The following GPR162 variants were observed in gnomAD, a reference collection of about 807,000 sequenced individuals.
GPR162 encodes the protein G protein-coupled receptor 162.
In GPR162, 26 loss-of-function variants were observed where a neutral mutation model predicts 44.9. The observed-to-expected ratio is 0.58, with a 90% CI of 0.42 to 0.80. GPR162 has a LOEUF of 0.80. Among genes scored for constraint, GPR162 ranks in the 30% least tolerant of loss-of-function variants. The pLI is 0.00. For synonymous variants in GPR162, 363 were observed against 335.2 expected (o/e 1.08, Z -0.91); for missense variants, 704 against 802.3 (o/e 0.88, Z 1.48).
chr12:6,825,711 C>CT (rs1943345464), intron 3 of GPR162, 38 bp downstream of exon 3: 2 of 1,505,504 alleles, frequency 1.3e-6, no homozygotes, highest in Non-Finnish European at 1.8e-6. Context: ...TCCTGGACAT[C>CT]TGTCTATTCC....
intron 4 of GPR162, 98 bp from the exon 5 acceptor site, chr12:6,826,555 G>T: frequency 8.2e-7 from 1 of 1,219,536 alleles, no homozygotes. Flanking sequence ...CGTTTTGAAG[G>T]TTAAGAAGGT....
At position 6,822,800 on chromosome 12, in the gene GPR162, C is replaced by T. The variant is rs1943301803; in HGVS notation, c.-431-668C>T. 6.8e-6 allele frequency among the ~76,000 whole-genome samples: 1 copy of T among 146,190 alleles called. No homozygotes were observed. The highest frequency in any genetic ancestry group is 1.5e-5 in the Non-Finnish European group (1 of 66,162). ...GAGCTTTTCCTGCTATTTTCAGATACTACCACTTTGCCCCCTCTTTCTCTT... is the reference window on the plus strand; with the variant it reads ...GAGCTTTTCCTGCTATTTTCAGATATTACCACTTTGCCCCCTCTTTCTCTT... On this transcript the variant is annotated intron_variant, in intron 1 of 4. Coordinates refer to ENST00000311268, the MANE Select transcript of GPR162 (RefSeq NM_019858.2). The surrounding 1 kb of genome is among the most constrained non-coding windows in gnomAD (Gnocchi z 4.2).
At chr12:6,826,115 C>G in intron 3 of GPR162, 81 bp from the exon 4 acceptor site, 2 of 1,088,476 alleles carry the variant, frequency 1.8e-6, no homozygotes, top group South Asian at 1.4e-5. Context: ...AAAGGGGTCT[C>G]TGGGAGCTTA....
chr12:6,823,823 T>C lies in GPR162; in HGVS notation c.-76T>C. 1 of 1,602,898 alleles carries C rather than the reference T, an allele frequency of 6.2e-7. No homozygotes were observed. The highest frequency in any genetic ancestry group is 8.5e-7 in the Non-Finnish European group (1 of 1,173,612). ...GAGGATTGTGGGGATCATGGGAGTGTTTGTGAGTGGGGCTCCTGGGTGAGA... is the reference window on the plus strand; with the variant it reads ...GAGGATTGTGGGGATCATGGGAGTGCTTGTGAGTGGGGCTCCTGGGTGAGA... On this transcript the variant is annotated 5_prime_UTR_variant, in exon 2 of 5. Coordinates refer to ENST00000311268, the MANE Select transcript of GPR162 (RefSeq NM_019858.2).
chr12:6,821,906 AC>A lies in GPR162; in HGVS notation c.-432+7del, dbSNP rs1334779610. ...CTGGGCGCAGCCGGAGAGAGGTAAG[AC>A]GACCCCTGCCTGCCCCGTCCCCTGT... On this transcript the variant is annotated splice_region_variant and intron_variant, in intron 1 of 4. Coordinates refer to ENST00000311268, the MANE Select transcript of GPR162 (RefSeq NM_019858.2). 6.6e-6 allele frequency: 1 copy of A among 152,158 alleles called. No individual in the cohort carries two copies. The highest frequency in any genetic ancestry group is 1.5e-5 in the Non-Finnish European group (1 of 68,228). The allele number at this position is 152,158 out of a possible 1,614,324, so 9.4% of individuals were successfully genotyped here. A position where few individuals can be genotyped will look rare whatever the true frequency, so the allele number is the denominator to read the frequency against.
intron 3 of GPR162, 126 bp from the exon 4 acceptor site, chr12:6,826,070 A>T: frequency 1.4e-6 from 1 of 715,918 alleles, no homozygotes; most frequent in Non-Finnish European, 2.4e-6. Flanking sequence ...AGCCACTCTC[A>T]CTGTCCTCTT....
rs1275577868 is a variant in GPR162, at chr12:6,825,509, CGGA to C, written c.894_896del (p.Asp299del). On this transcript the variant is annotated inframe_deletion, in exon 3 of 5. Transcript: ENST00000311268. ...GTGGTGAGCTTCTTCTCCCTCAAGT[CGGA>C]CTCGGCGCCCCCCTGGATGGTGCTG... 2 of 1,610,620 alleles carry C rather than the reference CGGA, an allele frequency of 1.2e-6. No individual in the cohort carries two copies. Among genetic ancestry groups the C allele is most frequent in the Non-Finnish European group, 1.7e-6 (2 of 1,178,940 alleles).
rs1555119337 is a variant in GPR162 at position 6,822,493 on chromosome 12, T to C, written c.-432+593T>C. On this transcript the variant is annotated intron_variant, in intron 1 of 4. Transcript: ENST00000311268. The surrounding 1 kb of genome is among the most constrained non-coding windows in gnomAD (Gnocchi z 4.2). ...CACTTACCCTAAAGCCATTATGTGC[T>C]TCCTTACAGCCCCACTCTGTTCAGG... Among the ~76,000 whole-genome samples the C allele has an allele frequency of 6.6e-6, 1 of 152,124 alleles. No homozygotes were observed. Among genetic ancestry groups the C allele is most frequent in the African/African-American group, 2.4e-5 (1 of 41,404 alleles).
chr12:6,824,869 C>T, intron 2 of GPR162, 104 bp downstream of exon 2: 3 of 880,764 alleles, frequency 3.4e-6, no homozygotes, highest in Non-Finnish European at 5.6e-6. Flanking sequence ...GTCATCTCTC[C>T]TCCAGTTCCA....
chr12:6,826,915 G>T lies in GPR162; in HGVS notation c.1478G>T (p.Gly493Val). ...AGTGGGGTTCTGGGGTCAGGTGGGG[G>T]ACCCCCACGGGGTCCTGGCTTCTTC... ...LESGVLGSGG[G>V]PPRGPGFFRE... The change falls in exon 5 of 5, where the codon GGA (glycine) becomes GTA (valine). Residue 493 changes from glycine (G) to valine (V), a missense_variant. Gly to Val is a moderately radical substitution (Grantham distance 109). Coordinates refer to ENST00000311268, the MANE Select transcript of GPR162 (RefSeq NM_019858.2). 6.2e-7 allele frequency: 1 copy of T among 1,613,416 alleles called. No homozygotes were observed. The highest frequency in any genetic ancestry group is 8.5e-7 in the Non-Finnish European group (1 of 1,179,978).
rs1849694615 is a variant in GPR162, at chr12:6,827,028, C to T, written c.1591C>T (p.Leu531=). Residue 531 remains leucine, a synonymous_variant, in exon 5 of 5, where the codon CTG becomes TTG. Transcript: ENST00000311268. ...GCACTCTCCTCGTCGGCCCCGGCCA[C>T]TGGGCCTCTCACCCCGCCGACTCTC... ...PGHSPRRPRP[L]GLSPRRLSLG... 1 of 1,613,288 alleles carries T rather than the reference C, an allele frequency of 6.2e-7. No homozygotes were observed. The highest frequency in any genetic ancestry group is 1.3e-5 in the African/African-American group (1 of 74,946).
At chr12:6,826,075 C>T (rs1943350373) in intron 3 of GPR162, 121 bp from the exon 4 acceptor site, 5 of 739,024 alleles carry the variant, frequency 6.8e-6, no homozygotes, top group Non-Finnish European at 1.1e-5. Flanking sequence ...CTCTCACTGT[C>T]CTCTTGGAAC....
Position 6,824,541 on chromosome 12 carries a change from C to A in GPR162, c.643C>A (p.Gln215Lys). Residue 215 changes from glutamine (Q) to lysine (K), a missense_variant, in exon 2 of 5, where the codon CAG (glutamine) becomes AAG (lysine). Physicochemically the swap from Gln to Lys is moderately conservative, Grantham distance 53 (BLOSUM62 1). Around this residue, in one of 6 missense-constraint regions of GPR162, gnomAD observed 56 missense variants for 47.2 expected, o/e 1.19. Coordinates refer to ENST00000311268, the MANE Select transcript of GPR162 (RefSeq NM_019858.2). Reference protein sequence around the residue: ...TLWARPRRARQARRVGGGGGT... With the variant: ...TLWARPRRARKARRVGGGGGT... ...GTGGGCCCGGCCCCGGAGGGCTCGG[C>A]AGGCCCGGAGAGTGGGGGGTGGTGG... 1 of 1,604,382 alleles carries A rather than the reference C, an allele frequency of 6.2e-7. No homozygotes were observed. Among genetic ancestry groups the A allele is most frequent in the East Asian group, 2.2e-5 (1 of 44,670 alleles).
Position 6,826,362 on chromosome 12 carries a change from C to T in GPR162, c.1215+9C>T, listed in dbSNP as rs782022571. 1.2e-6 allele frequency: 2 copies of T among 1,603,464 alleles called. No homozygotes were observed. Among genetic ancestry groups the T allele is most frequent in the South Asian group, 1.1e-5 (1 of 90,516 alleles). On this transcript the variant is annotated intron_variant, in intron 4 of 4. Coordinates refer to ENST00000311268, the MANE Select transcript of GPR162 (RefSeq NM_019858.2). ...GAGTCCACTACTTACAGGTATGGAA[C>T]TGGGGGATACATCTCCTACCCTTGG...
In GPR162 at chr12:6,823,715, C is replaced by T. The variant is rs901062011; in HGVS notation, c.-184C>T. 2 of 1,598,908 alleles carry T rather than the reference C, an allele frequency of 1.3e-6. No individual in the cohort carries two copies. The highest frequency in any genetic ancestry group is 1.7e-6 in the Non-Finnish European group (2 of 1,167,930). ...CTGACCCTCAGTCTCCTCCCCTGCC[C>T]TCTACATCTGCCCTCAGCTGGGTCC... On this transcript the variant is annotated 5_prime_UTR_variant, in exon 2 of 5. Transcript: ENST00000311268.
Position 6,823,796 on chromosome 12 carries a change from G to A in GPR162, c.-103G>A, listed in dbSNP as rs1430507238. ...TGGGGGCAGCCTGCCTGCTGACAGG[G>A]CGAGGATTGTGGGGATCATGGGAGT... On this transcript the variant is annotated 5_prime_UTR_variant, in exon 2 of 5. Coordinates refer to ENST00000311268, the MANE Select transcript of GPR162 (RefSeq NM_019858.2). 1 of 1,612,108 alleles carries A rather than the reference G, an allele frequency of 6.2e-7. No individual in the cohort carries two copies. The highest frequency in any genetic ancestry group is 8.5e-7 in the Non-Finnish European group (1 of 1,179,014).
rs752419616 is a variant in GPR162, at chr12:6,827,302, C to A, written c.*98C>A. 9.8e-7 allele frequency: 1 copy of A among 1,025,214 alleles called. No homozygotes were observed. The highest frequency in any genetic ancestry group is 1.4e-6 in the Non-Finnish European group (1 of 713,182). The allele number at this position is 1,025,214 out of a possible 1,614,324, so 63.5% of individuals were successfully genotyped here. A position where few individuals can be genotyped will look rare whatever the true frequency, so the allele number is the denominator to read the frequency against. ...CAGCTGCCTCCAGACTCTGGGGAGA[C>A]GGGCGCTAGATTTGGGGCTCAGAAG... On this transcript the variant is annotated 3_prime_UTR_variant, in exon 5 of 5. Transcript: ENST00000311268.
In GPR162 at chr12:6,827,069, G is replaced by C; in HGVS notation, c.1632G>C (p.Glu544Asp). 2 of 1,613,470 alleles carry C rather than the reference G, an allele frequency of 1.2e-6. No homozygotes were observed. The highest frequency in any genetic ancestry group is 2.7e-5 in the African/African-American group (2 of 75,072). ...GCCGACTCTCCCTTGGGTCCCCTGA[G>C]AGCAGAGCCGTTGGACTTCCTTTGG... is the stretch of plus-strand genomic sequence containing the variant. ...SPRRLSLGSP[E>D]SRAVGLPLGL... Residue 544 changes from glutamate (E) to aspartate (D), a missense_variant, in exon 5 of 5, where the codon GAG (glutamate) becomes GAC (aspartate). By Grantham distance (45) the Glu-to-Asp change is conservative. Coordinates refer to ENST00000311268, the MANE Select transcript of GPR162 (RefSeq NM_019858.2).
chr12:6,825,760 C>T (rs1943346034), intron 3 of GPR162, 87 bp downstream of exon 3: 2 of 1,167,122 alleles, frequency 1.7e-6, no homozygotes, highest in East Asian at 2.6e-5. Context: ...GATGGGCTGC[C>T]CTGGAGTGCC....
Sources: allele counts gnomAD v4.1 joint callset (sites outside exome capture counted in the v4.1 genomes callset), GRCh38; gene constraint gnomAD v4.1.1; regional missense constraint gnomAD v4.1.1; non-coding constraint Gnocchi (gnomAD v3.1); transcripts MANE v1.5; gene names NCBI Gene and HGNC (gene_info 2026-07-23, HGNC 2026-07-21).